ARHGAP22: variants seen among roughly 807,000 people sequenced by gnomAD.
ARHGAP22 encodes Rho GTPase activating protein 22.
A neutral mutation model predicts 59.1 loss-of-function variants in ARHGAP22; 48 were observed. That is an observed-to-expected ratio of 0.81 (90% confidence interval 0.64 to 1.03). The LOEUF (loss-of-function observed/expected upper bound fraction) is 1.03. ARHGAP22 is among the 50% of genes least tolerant of loss of function. The pLI is 0.00. For missense variants in ARHGAP22, 1,015 were observed against 958.7 expected, an observed-to-expected ratio of 1.06 and a Z score of -0.78; for synonymous variants, 445 against 416.4, an observed-to-expected ratio of 1.07 and a Z score of -0.84.
rs140632362 is a variant in ARHGAP22, at chr10:48,528,810, T to TTC, written c.322+26651_322+26652dup. 4.1e-4 allele frequency among the ~76,000 whole-genome samples: 62 copies of TTC among 150,606 alleles called. No homozygotes were observed. The East Asian group carries it at 6.2e-3, about 15-fold the overall frequency. ...AAAAGAGTATGAGATCTCCTCCTTTTTCTCTCTCTCTCTCTCTGTCTGTTA... is the reference window on the plus strand; with the variant it reads ...AAAAGAGTATGAGATCTCCTCCTTTTTCTCTCTCTCTCTCTCTCTGTCTGTTA... On this transcript the variant is annotated intron_variant, in intron 3 of 9. Transcript: ENST00000249601.
intron 6 of ARHGAP22, 65 bp downstream of exon 6, chr10:48,454,937 C>T (rs1589446089): frequency 6.7e-7 from 1 of 1,484,126 alleles, no homozygotes; most frequent in East Asian, 2.4e-5. Context: ...GAGTCTGTGT[C>T]CTGAGTCTAC....
chr10:48,482,509 G>C (rs1180321549), intron 3 of ARHGAP22, among the ~76,000 whole-genome samples: 1 of 152,248 alleles, frequency 6.6e-6, no homozygotes, highest in Non-Finnish European at 1.5e-5. Flanking sequence ...AGTGGTGAGA[G>C]CAGACATTCT....
intron 3 of ARHGAP22, among the ~76,000 whole-genome samples, chr10:48,545,903 A>G (rs1239387963): frequency 6.6e-6 from 1 of 152,196 alleles, no homozygotes; most frequent in Admixed American, 6.5e-5. Flanking sequence ...TCGTTCAAGC[A>G]GACACGTCGG....
chr10:48,526,071 G>A (rs913579026), intron 3 of ARHGAP22, among the ~76,000 whole-genome samples: 4 of 152,186 alleles, frequency 2.6e-5, no homozygotes, highest in Admixed American at 6.5e-5. Context: ...CTGTGGTCCA[G>A]CTCTGATGGC....
intron 3 of ARHGAP22, among the ~76,000 whole-genome samples, chr10:48,534,158 C>T (rs1353247213): frequency 1.3e-5 from 2 of 152,250 alleles, no homozygotes; most frequent in East Asian, 3.8e-4. Context: ...CTTCAGCTGC[C>T]ACGGATGCTG....
intron 1 of ARHGAP22, among the ~76,000 whole-genome samples, chr10:48,592,032 C>T (rs532937320): frequency 6.6e-6 from 1 of 151,978 alleles, no homozygotes; most frequent in Non-Finnish European, 1.5e-5. Flanking sequence ...AACCTGAGTG[C>T]CCGTTAGTAA....
chr10:48,643,950 C>A (rs186406802), intron 1 of ARHGAP22, among the ~76,000 whole-genome samples: 99 of 152,108 alleles, frequency 6.5e-4, no homozygotes, highest in African/African-American at 2.3e-3. Context: ...GAGTTTGAGA[C>A]CAGCCTAAAC....
intron 1 of ARHGAP22, among the ~76,000 whole-genome samples, chr10:48,637,308 T>C (rs753627539): frequency 1.3e-5 from 2 of 152,182 alleles, no homozygotes; most frequent in Non-Finnish European, 2.9e-5. Context: ...AGAGCTGTTG[T>C]CCAGAGATGG....
chr10:48,548,748 A>G (rs2056664220), intron 3 of ARHGAP22, among the ~76,000 whole-genome samples: 4 of 152,200 alleles, frequency 2.6e-5, no homozygotes, highest in Admixed American at 2.6e-4. Context: ...GACAGCTTTC[A>G]AAGGGCTGGG....
chr10:48,618,964 C>T (rs540532707), intron 1 of ARHGAP22, among the ~76,000 whole-genome samples: 1 of 152,054 alleles, frequency 6.6e-6, no homozygotes, highest in Admixed American at 6.5e-5. Flanking sequence ...AAAAGCCCCA[C>T]CAAAAACTCT....
chr10:48,588,975 C>T (rs1237474088), intron 1 of ARHGAP22, among the ~76,000 whole-genome samples: 1 of 152,166 alleles, frequency 6.6e-6, no homozygotes, highest in Non-Finnish European at 1.5e-5. Flanking sequence ...GGGGCTCAGG[C>T]TTGGGAGGAA....
At chr10:48,469,184 A>G (rs1330167850) in intron 4 of ARHGAP22, among the ~76,000 whole-genome samples, 1 of 152,192 alleles carries the variant, frequency 6.6e-6, no homozygotes, top group Non-Finnish European at 1.5e-5. Flanking sequence ...ACCCCTACCC[A>G]GGAGCCCCAC....
chr10:48,476,586 C>CACAGCCAGGTTTG (rs2048769227), intron 4 of ARHGAP22, among the ~76,000 whole-genome samples: 2 of 152,226 alleles, frequency 1.3e-5, no homozygotes, highest in Admixed American at 6.5e-5. Context: ...TCGCTAACTC[C>CACAGCCAGGTTTG]TGAGATTTCT....
intron 2 of ARHGAP22, among the ~76,000 whole-genome samples, chr10:48,566,268 G>T (rs1328309599): frequency 6.6e-6 from 1 of 152,084 alleles, no homozygotes; most frequent in Admixed American, 6.6e-5. Flanking sequence ...TCTGATTGGG[G>T]CCTCAGATCA....
intron 3 of ARHGAP22, among the ~76,000 whole-genome samples, chr10:48,509,393 G>A (rs538067976): frequency 9.8e-5 from 15 of 152,336 alleles, no homozygotes; most frequent in East Asian, 1.9e-4. Flanking sequence ...CAGGCACAGC[G>A]GAGCTTTGTT....
intron 1 of ARHGAP22, among the ~76,000 whole-genome samples, chr10:48,595,184 G>C (rs1170741423): frequency 6.6e-6 from 1 of 152,192 alleles, no homozygotes; most frequent in Non-Finnish European, 1.5e-5. Flanking sequence ...TAGGACAAGA[G>C]AGCTAAAACA....
At chr10:48,478,264 C>CTTTGCA (rs1482554960) in intron 4 of ARHGAP22, among the ~76,000 whole-genome samples, 6 of 152,210 alleles carry the variant, frequency 3.9e-5, no homozygotes, top group Admixed American at 3.9e-4. Context: ...TGTGCTGCAA[C>CTTTGCA]CTTCAGGGAT....
intron 3 of ARHGAP22, among the ~76,000 whole-genome samples, chr10:48,497,367 TC>T (rs2051044311): frequency 6.6e-6 from 1 of 152,152 alleles, no homozygotes; most frequent in Non-Finnish European, 1.5e-5. Flanking sequence ...GCTTCCTGCC[TC>T]CTCCTCAGCA....
chr10:48,548,541 A>T (rs928703921), intron 3 of ARHGAP22, among the ~76,000 whole-genome samples: 6 of 152,104 alleles, frequency 3.9e-5, no homozygotes, highest in Non-Finnish European at 4.4e-5. Flanking sequence ...CTCACCAAAC[A>T]TGGCCGTTTT....
Sources: gnomAD v4.1 joint callset for allele counts (sites outside exome capture counted in the v4.1 genomes callset) on GRCh38, gnomAD v4.1.1 for gene constraint, MANE v1.5 for transcripts, NCBI Gene and HGNC (gene_info 2026-07-23, HGNC 2026-07-21) for gene names.